RNLS: variants seen among roughly 807,000 people sequenced by gnomAD.
The protein encoded by RNLS is renalase.
Under a neutral mutation model 39.8 loss-of-function variants are expected in RNLS, and 39 were observed. That is an observed-to-expected ratio of 0.98 (90% CI 0.76 to 1.28). RNLS has a LOEUF of 1.28. RNLS is among the 50% of genes most tolerant of loss of function. The pLI is 0.00. For synonymous variants in RNLS, 147 were observed against 150.7 expected (o/e 0.98, Z 0.18); for missense variants, 410 against 413.3 (o/e 0.99, Z 0.07).
chr10:88,454,974 A>G (rs757168932), intron 4 of RNLS, among the ~76,000 whole-genome samples: 3 of 152,242 alleles, frequency 2.0e-5, no homozygotes, highest in Non-Finnish European at 4.4e-5. Context: ...TGTCAGGCAG[A>G]TAACAGATAT....
intron 4 of RNLS, among the ~76,000 whole-genome samples, chr10:88,561,559 A>G (rs181849030): frequency 2.6e-5 from 4 of 152,302 alleles, no homozygotes; most frequent in Non-Finnish European, 5.9e-5. Flanking sequence ...CATATATTCC[A>G]TATAAAGATT....
intron 5 of RNLS, among the ~76,000 whole-genome samples, chr10:88,317,169 T>A (rs1430643931): frequency 6.6e-6 from 1 of 152,232 alleles, no homozygotes; most frequent in Non-Finnish European, 1.5e-5. Context: ...ATTTCTCTAC[T>A]TTGGGAAATC....
intron 4 of RNLS, among the ~76,000 whole-genome samples, chr10:88,510,425 C>A (rs1031943002): frequency 3.3e-5 from 5 of 152,054 alleles, no homozygotes. Flanking sequence ...TGACTCACAT[C>A]ACAAGCAGCT....
intron 6 of RNLS, among the ~76,000 whole-genome samples, chr10:88,312,486 A>C (rs937518065): frequency 1.3e-5 from 2 of 152,182 alleles, no homozygotes; most frequent in Non-Finnish European, 2.9e-5. Context: ...TCCCACTACC[A>C]AGTTTTTGAG....
At chr10:88,203,254 GT>G in the RNLS span, among the ~76,000 whole-genome samples, 2 of 15,460 alleles carry the variant, frequency 1.3e-4, 1 homozygote, top group Non-Finnish European at 2.2e-4. Context: ...GTGTGTGTGT[GT>G]GTGTGTGTGT....
the RNLS span, among the ~76,000 whole-genome samples, chr10:88,197,155 T>C: frequency 1.3e-5 from 2 of 152,224 alleles, no homozygotes; most frequent in African/African-American, 4.8e-5. Flanking sequence ...GGCAAGGCCA[T>C]TTTGTTTTTC....
chr10:88,204,623 A>G, the RNLS span, among the ~76,000 whole-genome samples: 1 of 152,134 alleles, frequency 6.6e-6, no homozygotes. Context: ...TTGCAAAAAT[A>G]ATTTCATAGG....
At chr10:88,218,593 A>G in the RNLS span, among the ~76,000 whole-genome samples, 3 of 152,200 alleles carry the variant, frequency 2.0e-5, no homozygotes, top group Non-Finnish European at 4.4e-5. Context: ...ATGGACACCC[A>G]CTGTTAGGAT....
chr10:88,218,261 A>G, the RNLS span, among the ~76,000 whole-genome samples: 1 of 152,254 alleles, frequency 6.6e-6, no homozygotes, highest in Non-Finnish European at 1.5e-5. Flanking sequence ...CTGTCAAAAT[A>G]TAAGCTAAGT....
intron 4 of RNLS, among the ~76,000 whole-genome samples, chr10:88,532,836 C>T (rs1362260385): frequency 1.3e-5 from 2 of 151,984 alleles, no homozygotes; most frequent in Non-Finnish European, 2.9e-5. Flanking sequence ...ACTCAAATCA[C>T]ATGCAAATAA....
intron 4 of RNLS, among the ~76,000 whole-genome samples, chr10:88,390,815 C>A (rs1406975068): frequency 1.3e-5 from 2 of 152,094 alleles, no homozygotes; most frequent in Admixed American, 1.3e-4. Flanking sequence ...GGGGAAGTTC[C>A]ATATCATGTT....
intron 4 of RNLS, among the ~76,000 whole-genome samples, chr10:88,476,287 G>A (rs976878410): frequency 2.6e-5 from 4 of 152,086 alleles, no homozygotes; most frequent in Non-Finnish European, 2.9e-5. Context: ...TGATGACTTA[G>A]ATTTTTGTTA....
At chr10:88,357,634 AC>A (rs1346971552) in intron 5 of RNLS, among the ~76,000 whole-genome samples, 1 of 152,202 alleles carries the variant, frequency 6.6e-6, no homozygotes, top group African/African-American at 2.4e-5. Flanking sequence ...CACCAAATCC[AC>A]TTTTTCTTCT....
At chr10:88,365,055 A>G (rs1849948888) in intron 4 of RNLS, among the ~76,000 whole-genome samples, 1 of 152,100 alleles carries the variant, frequency 6.6e-6, no homozygotes, top group South Asian at 2.1e-4. Context: ...TTTTAGACAA[A>G]GTGCCAAGTG....
At chr10:88,282,815 T>C (rs115133620), downstream of RNLS, among the ~76,000 whole-genome samples, 362 of 152,292 alleles carry the variant, frequency 2.4e-3, 1 homozygote, top group African/African-American at 8.3e-3. Flanking sequence ...AAGACGTGCA[T>C]AGACAGTTTA....
intron 4 of RNLS, among the ~76,000 whole-genome samples, chr10:88,389,162 AAAATCCACCCTG>A (rs1852047428): frequency 6.6e-6 from 1 of 152,218 alleles, no homozygotes; most frequent in Admixed American, 6.5e-5. Context: ...GTAAACAATT[AAAATCCACCCTG>A]AAATTGGAGC....
intron 4 of RNLS, among the ~76,000 whole-genome samples, chr10:88,529,930 T>C (rs1298556378): frequency 2.0e-5 from 3 of 152,216 alleles, no homozygotes; most frequent in African/African-American, 4.8e-5. Flanking sequence ...GATGAATGTG[T>C]TTTTCCAATA....
At position 88,284,556 on chromosome 10, in the gene RNLS, C is replaced by T; in HGVS notation, c.*798G>A. 1 of 985,282 alleles carries T rather than the reference C, an allele frequency of 1.0e-6. No individual in the cohort carries two copies. The highest frequency in any genetic ancestry group is 1.2e-6 in the Non-Finnish European group (1 of 829,862). The allele number at this position is 985,282 out of a possible 1,614,324, so 61.0% of individuals were successfully genotyped here. Reference sequence around the variant, plus strand: ...GTTGTGTTAAATTCATTAAACTCGACACAGTCTAAATGCCACAGCACATAC... The same window carrying T: ...GTTGTGTTAAATTCATTAAACTCGATACAGTCTAAATGCCACAGCACATAC... On this transcript the variant is annotated 3_prime_UTR_variant, in exon 7 of 7. Transcript: ENST00000331772.
chr10:88,536,996 C>A (rs1039532712), intron 4 of RNLS, among the ~76,000 whole-genome samples: 1 of 152,046 alleles, frequency 6.6e-6, no homozygotes, highest in Non-Finnish European at 1.5e-5. Flanking sequence ...AATGAATGAG[C>A]GAGTAGCATA....
Sources: gnomAD v4.1 joint callset for allele counts (sites outside exome capture counted in the v4.1 genomes callset) on GRCh38, gnomAD v4.1.1 for gene constraint, MANE v1.5 for transcripts, NCBI Gene and HGNC (gene_info 2026-07-23, HGNC 2026-07-21) for gene names.